Variants in YME1L1 observed in about 807,000 individuals in gnomAD.
The protein encoded by YME1L1 is YME1 like 1 ATPase.
YME1L1 carries 39 observed loss-of-function variants against 90.4 expected under a neutral mutation model. The ratio of observed to expected loss-of-function variants is 0.43; its 90% CI spans 0.33 to 0.56. The LOEUF is 0.56. Among genes scored for constraint, YME1L1 ranks in the 20% least tolerant of loss-of-function variants. The pLI is 0.03. For synonymous variants in YME1L1, 284 were observed against 287.3 expected (o/e 0.99, Z 0.12); for missense variants, 617 against 868.4 (o/e 0.71, Z 3.64).
rs1172435498 is a variant in YME1L1 at position 27,122,989 on chromosome 10, AC to A, written c.1103-17del. The A allele has an allele frequency of 6.2e-7, 1 of 1,605,134 alleles. No homozygotes were observed. Among genetic ancestry groups the A allele is most frequent in the Admixed American group, 1.7e-5 (1 of 58,240 alleles). ...TTTGCTTCCCCTAAGAAAACAAAAA[AC>A]ATTCAAATAAGCTGAAAGAAAGTCA... On this transcript the variant is annotated splice_polypyrimidine_tract_variant and intron_variant, in intron 10 of 18. Transcript: ENST00000376016.
intron 9 of YME1L1, among the ~76,000 whole-genome samples, chr10:27,125,575 C>T (rs1222956825): frequency 4.6e-5 from 7 of 150,756 alleles, no homozygotes; most frequent in Non-Finnish European, 1.0e-4. Context: ...ACTATTGGAG[C>T]AAATGCTGAA....
chr10:27,128,375 T>C (rs1005068480), intron 8 of YME1L1, among the ~76,000 whole-genome samples: 2 of 152,208 alleles, frequency 1.3e-5, no homozygotes, highest in East Asian at 3.8e-4. Flanking sequence ...AGGATCTACC[T>C]TAATTGTGAT....
At position 27,141,601 on chromosome 10, in the gene YME1L1, GACACACACACAC is replaced by G. The variant is rs60043957; in HGVS notation, c.430+774_430+785del. 1.7e-3 allele frequency among the ~76,000 whole-genome samples: 239 copies of G among 141,580 alleles called. 2 individuals are homozygous for G. The highest frequency in any genetic ancestry group is 5.2e-3 in the South Asian group (22 of 4,268). The allele number at this position is 141,580 out of a possible 152,430, so 92.9% of individuals were successfully genotyped here. On this transcript the variant is annotated intron_variant, in intron 4 of 18. Transcript: ENST00000376016. ...GAGTCTCCACAGACAGATGTCCCTC[GACACACACACAC>G]ACACACACACACACACACACACACA...
At chr10:27,144,744 G>A (rs769474303) in intron 3 of YME1L1, among the ~76,000 whole-genome samples, 8 of 152,120 alleles carry the variant, frequency 5.3e-5, no homozygotes, top group Non-Finnish European at 1.0e-4. Context: ...GTGGTATGCT[G>A]GATCAGATCC....
chr10:27,123,906 T>A (rs2056891666), intron 9 of YME1L1, among the ~76,000 whole-genome samples: 1 of 151,990 alleles, frequency 6.6e-6, no homozygotes, highest in South Asian at 2.1e-4. Flanking sequence ...CTGTATTATA[T>A]AAATATTGTT....
chr10:27,148,351 C>T (rs924944621), intron 2 of YME1L1, among the ~76,000 whole-genome samples: 4 of 152,078 alleles, frequency 2.6e-5, no homozygotes, highest in Admixed American at 1.3e-4. Context: ...TACAGGCGCA[C>T]GCCACCACAC....
intron 18 of YME1L1, among the ~76,000 whole-genome samples, chr10:27,114,026 C>T (rs2056787429): frequency 6.6e-6 from 1 of 151,638 alleles, no homozygotes; most frequent in Non-Finnish European, 1.5e-5. Flanking sequence ...ATTCTATTAC[C>T]TCTTACAGTT....
chr10:27,121,188 A>C (rs1328415672), intron 12 of YME1L1, among the ~76,000 whole-genome samples, 198 bp downstream of exon 12: 6 of 152,182 alleles, frequency 3.9e-5, no homozygotes, highest in African/African-American at 1.4e-4. Flanking sequence ...GAAATCCCAT[A>C]TCCAATGACA....
Position 27,148,991 on chromosome 10 carries a change from T to G in YME1L1, c.83A>C (p.Asn28Thr). 6.2e-7 allele frequency: 1 copy of G among 1,613,650 alleles called. No homozygotes were observed. Among genetic ancestry groups the G allele is most frequent in the Non-Finnish European group, 8.5e-7 (1 of 1,179,752 alleles). Reference sequence around the variant, plus strand: ...CACTCCACTGAGAGAAACAGAAGTGTTTTTTGGTGTATGGAAGGCATTGAT... The same window carrying G: ...CACTCCACTGAGAGAAACAGAAGTGGTTTTTGGTGTATGGAAGGCATTGAT... ...HLINAFHTPK[N>T]TSVSLSGVSV... The change falls in exon 2 of 19, where the codon AAC becomes ACC. Residue 28 changes from asparagine to threonine, a missense_variant. Asn to Thr is a moderately conservative substitution (Grantham distance 65, BLOSUM62 0). Coordinates refer to ENST00000376016, the MANE Select transcript of YME1L1 (RefSeq NM_014263.4).
intron 1 of YME1L1, among the ~76,000 whole-genome samples, 176 bp downstream of exon 1, chr10:27,154,002 A>C (rs1197425172): frequency 1.3e-5 from 2 of 152,170 alleles, no homozygotes; most frequent in Admixed American, 1.3e-4. Context: ...TCAGCACTGA[A>C]GTCTCCGGCC....
At chr10:27,123,469 T>C in intron 10 of YME1L1, 78 bp downstream of exon 10, 1 of 1,466,728 alleles carries the variant, frequency 6.8e-7, no homozygotes, top group Non-Finnish European at 9.2e-7. Context: ...AGAAAAAAAG[T>C]AATTAGCAAA....
chr10:27,110,866 A>G lies in YME1L1; in HGVS notation c.*1111T>C, dbSNP rs1009233691. 3.9e-5 allele frequency: 6 copies of G among 151,974 alleles called. No individual in the cohort carries two copies. Among genetic ancestry groups the G allele is most frequent in the African/African-American group, 1.4e-4 (6 of 41,390 alleles). The allele number at this position is 151,974 out of a possible 1,614,324, so 9.4% of individuals were successfully genotyped here. ...CACAGCATTTCTGAAAGGTTATAAT[A>G]ATTTATTTAATTTTTTTTTGAGACA... On this transcript the variant is annotated 3_prime_UTR_variant, in exon 19 of 19. Coordinates refer to ENST00000376016, the MANE Select transcript of YME1L1 (RefSeq NM_014263.4).
intron 2 of YME1L1, among the ~76,000 whole-genome samples, chr10:27,148,486 G>A (rs1449937143): frequency 6.6e-6 from 1 of 152,094 alleles, no homozygotes; most frequent in African/African-American, 2.4e-5. Context: ...CCACAGATAC[G>A]TGGACTTTCT....
chr10:27,151,377 G>A (rs2057213989), intron 1 of YME1L1, among the ~76,000 whole-genome samples: 1 of 152,214 alleles, frequency 6.6e-6, no homozygotes, highest in Admixed American at 6.5e-5. Flanking sequence ...CCTGTTAAGA[G>A]GTGGGACCTT....
Position 27,134,839 on chromosome 10 carries a change from T to C in YME1L1, c.683A>G (p.Lys228Arg). 6.2e-7 allele frequency: 1 copy of C among 1,613,914 alleles called. No individual in the cohort carries two copies. Among genetic ancestry groups the C allele is most frequent in the Non-Finnish European group, 8.5e-7 (1 of 1,179,858 alleles). Residue 228 changes from lysine (K) to arginine (R), a missense_variant, in exon 6 of 19, where the codon AAA becomes AGA. This residue lies in a region of YME1L1 where 311 missense variants were observed against 335.8 expected (regional missense o/e 0.93). Transcript: ENST00000376016. ...GTGTCAATTCAACTTACCATTGGTT[T>C]TTTGTGTGAGTGCTTGAGCTTTCAG... ...GFLKAQALTQ[K>R]TNDSLRRTRL...
rs181618870 is a variant in YME1L1, at chr10:27,110,825, A to T, written c.*1152T>A. The T allele has an allele frequency of 2.6e-4, 39 of 152,316 alleles. No individual in the cohort carries two copies. The highest frequency in any genetic ancestry group is 8.4e-4 in the African/African-American group (35 of 41,570). The allele number at this position is 152,316 out of a possible 1,614,324, so 9.4% of individuals were successfully genotyped here. ...GAGAGTGACAGTAATGCTAAAAAAA[A>T]GAACATGAAAATGCACACAGCATTT... On this transcript the variant is annotated 3_prime_UTR_variant, in exon 19 of 19. Transcript: ENST00000376016.
Position 27,136,211 on chromosome 10 carries a change from T to C in YME1L1, c.540+65A>G, listed in dbSNP as rs1408493214. On this transcript the variant is annotated intron_variant, in intron 5 of 18. Coordinates refer to ENST00000376016, the MANE Select transcript of YME1L1 (RefSeq NM_014263.4). ...ATCAGCCAACAAAAGAAATCAGATA[T>C]TGAAGCTCCTCACTCTAACAACTTG... 5 of 1,291,630 alleles carry C rather than the reference T, an allele frequency of 3.9e-6. No individual in the cohort carries two copies. In the Middle Eastern group the frequency reaches 7.5e-4, roughly 195 times the overall value. 80.0% of individuals were successfully genotyped at this position (1,291,630 alleles called of 1,614,324 possible). A position where few individuals can be genotyped will look rare whatever the true frequency, so the allele number is the denominator to read the frequency against.
chr10:27,143,471 G>A (rs80178566), intron 3 of YME1L1, among the ~76,000 whole-genome samples: 12,120 of 151,904 alleles, frequency 0.08, 710 homozygotes, highest in East Asian at 0.29. Context: ...AGGCTGAGGC[G>A]GGCGGATCAC....
rs755455694 is a variant in YME1L1, at chr10:27,134,832, A to G, written c.690T>C (p.Asn230=). ...LKAQALTQKT[N]DSLRRTRLIL... ...ACGGATGGTGTCAATTCAACTTACC[A>G]TTGGTTTTTTGTGTGAGTGCTTGAG... Residue 230 remains asparagine, a splice_region_variant and synonymous_variant, in exon 6 of 19, where the codon AAT becomes AAC. Coordinates refer to ENST00000376016, the MANE Select transcript of YME1L1 (RefSeq NM_014263.4). 3 of 1,613,690 alleles carry G rather than the reference A, an allele frequency of 1.9e-6. No individual in the cohort carries two copies. Among genetic ancestry groups the G allele is most frequent in the Non-Finnish European group, 2.5e-6 (3 of 1,179,730 alleles).
Sources: allele counts gnomAD v4.1 joint callset (sites outside exome capture counted in the v4.1 genomes callset), GRCh38; gene constraint gnomAD v4.1.1; regional missense constraint gnomAD v4.1.1; transcripts MANE v1.5; gene names NCBI Gene and HGNC (gene_info 2026-07-23, HGNC 2026-07-21).